Variants in HEATR4 observed in about 807,000 individuals in gnomAD.
HEATR4 encodes HEAT repeat containing 4, also known as HEAT repeat-containing protein 4.
Under a neutral mutation model 108.8 loss-of-function variants are expected in HEATR4, and 95 were observed. The ratio of observed to expected loss-of-function variants is 0.87; its 90% CI spans 0.74 to 1.04. The LOEUF is 1.04. HEATR4 is among the 50% of genes least tolerant of loss of function. The pLI is 0.00. For missense variants in HEATR4, 1,152 were observed against 1,253.8 expected (o/e 0.92, Z 1.23); for synonymous variants, 443 against 459.4 (o/e 0.96, Z 0.46).
chr14:73,616,702 T>G, the HEATR4 span: 1 of 215,914 alleles, frequency 4.6e-6, no homozygotes, highest in Non-Finnish European at 9.0e-6. Context: ...AAAAAAAATT[T>G]TTTTTTTAAT....
At chr14:73,489,668 C>T (rs1311702361) in intron 17 of HEATR4, among the ~76,000 whole-genome samples, 1 of 152,124 alleles carries the variant, frequency 6.6e-6, no homozygotes, top group Non-Finnish European at 1.5e-5. Context: ...AAATTACACC[C>T]GCATGCCACC....
the HEATR4 span, among the ~76,000 whole-genome samples, chr14:73,602,549 C>T: frequency 6.6e-6 from 1 of 152,268 alleles, no homozygotes; most frequent in South Asian, 2.1e-4. Flanking sequence ...GCTCAGGGCC[C>T]TTGTCCACTA....
the HEATR4 span, among the ~76,000 whole-genome samples, chr14:73,590,122 G>A: frequency 6.6e-6 from 1 of 152,152 alleles, no homozygotes; most frequent in African/African-American, 2.4e-5. Context: ...TGCTAGCTCT[G>A]GCAGCCTGCT....
the HEATR4 span, among the ~76,000 whole-genome samples, chr14:73,628,623 C>T: frequency 6.6e-6 from 1 of 152,124 alleles, no homozygotes; most frequent in Non-Finnish European, 1.5e-5. Context: ...AGTGGTGGCG[C>T]ATGCCTGTAA....
At chr14:73,560,424 G>C (rs1274928556), upstream of HEATR4, among the ~76,000 whole-genome samples, 8 of 152,056 alleles carry the variant, frequency 5.3e-5, no homozygotes, top group Non-Finnish European at 1.0e-4. Context: ...AGCACTTTGG[G>C]AGGCAAGTTG....
the HEATR4 span, among the ~76,000 whole-genome samples, chr14:73,572,771 G>A: frequency 1.9e-4 from 28 of 148,200 alleles, no homozygotes; most frequent in Middle Eastern, 3.4e-3. Context: ...TCAGCCTCCC[G>A]AGTAGCTGGG....
chr14:73,573,302 A>G, the HEATR4 span: 5 of 1,587,580 alleles, frequency 3.1e-6, no homozygotes, highest in South Asian at 5.5e-5. Flanking sequence ...GCTGGGTCAC[A>G]TGTGTGGTAA....
At chr14:73,614,382 T>TA in the HEATR4 span, among the ~76,000 whole-genome samples, 1 of 152,122 alleles carries the variant, frequency 6.6e-6, no homozygotes, top group African/African-American at 2.4e-5. Flanking sequence ...AATTGGGTCT[T>TA]ACAGATTTCT....
At chr14:73,595,532 G>T in the HEATR4 span, 2 of 1,610,992 alleles carry the variant, frequency 1.2e-6, no homozygotes, top group Non-Finnish European at 1.7e-6. Context: ...GAACAAACAT[G>T]TTATATGGGG....
chr14:73,617,214 A>T, the HEATR4 span: 1 of 1,614,056 alleles, frequency 6.2e-7, no homozygotes, highest in African/African-American at 1.3e-5. Context: ...TGATCACCTG[A>T]GTGCAGAAGA....
chr14:73,614,099 G>A, the HEATR4 span, among the ~76,000 whole-genome samples: 1 of 151,850 alleles, frequency 6.6e-6, no homozygotes, highest in Non-Finnish European at 1.5e-5. Flanking sequence ...TGCTTGGGAG[G>A]CTGAGGTGGG....
chr14:73,627,130 A>T, the HEATR4 span, among the ~76,000 whole-genome samples: 1 of 151,454 alleles, frequency 6.6e-6, no homozygotes, highest in African/African-American at 2.4e-5. Context: ...CCAGGCATAG[A>T]CTTCTCCTCA....
chr14:73,561,404 T>C (rs1889530026), upstream of HEATR4, among the ~76,000 whole-genome samples: 2 of 151,456 alleles, frequency 1.3e-5, no homozygotes, highest in African/African-American at 4.9e-5. Flanking sequence ...AGGAATGAAA[T>C]GGGCCAGGTG....
the HEATR4 span, chr14:73,581,856 C>T: frequency 1.3e-5 from 1 of 75,064 alleles, no homozygotes; most frequent in South Asian, 5.4e-4. Flanking sequence ...GCATCTGGGC[C>T]ACTTGGGGAA....
chr14:73,558,665 G>A (rs1289202363), intron 1 of HEATR4, 86 bp downstream of exon 1: 1 of 151,458 alleles, frequency 6.6e-6, no homozygotes, highest in African/African-American at 2.4e-5. Context: ...CTAATGTCCT[G>A]ATTTTATAAA....
chr14:73,503,952 A>G (rs1296063477), intron 10 of HEATR4, among the ~76,000 whole-genome samples: 3 of 152,180 alleles, frequency 2.0e-5, no homozygotes, highest in African/African-American at 7.2e-5. Context: ...TTTTACTTTC[A>G]GTTGTCAATT....
chr14:73,486,426 G>C (rs891855302), intron 17 of HEATR4, among the ~76,000 whole-genome samples: 9 of 152,194 alleles, frequency 5.9e-5, no homozygotes, highest in Admixed American at 5.9e-4. Flanking sequence ...GGCTGGGTGT[G>C]GTGGCTCACG....
the HEATR4 span, among the ~76,000 whole-genome samples, chr14:73,565,125 A>T: frequency 6.6e-6 from 1 of 152,080 alleles, no homozygotes; most frequent in Non-Finnish European, 1.5e-5. Context: ...GCATCCTTGT[A>T]GCCAAATATT....
At chr14:73,590,014 A>G in the HEATR4 span, among the ~76,000 whole-genome samples, 1 of 152,224 alleles carries the variant, frequency 6.6e-6, no homozygotes, top group East Asian at 1.9e-4. Flanking sequence ...TACAGCTCAC[A>G]ACAGCAGTGC....
Sources: gnomAD v4.1 joint callset for allele counts (sites outside exome capture counted in the v4.1 genomes callset) on GRCh38, gnomAD v4.1.1 for gene constraint, MANE v1.5 for transcripts, NCBI Gene and HGNC (gene_info 2026-07-23, HGNC 2026-07-21) for gene names.